The following PDE1C variants were observed in gnomAD, a reference collection of about 807,000 sequenced individuals.
PDE1C encodes the protein dual specificity calcium/calmodulin-dependent 3',5'-cyclic nucleotide phosphodiesterase 1C.
In PDE1C, 62 loss-of-function variants were observed where a neutral mutation model predicts 93.1. The observed-to-expected ratio is 0.67, with a 90% CI of 0.54 to 0.82. The LOEUF (loss-of-function observed/expected upper bound fraction) is 0.82, where lower values mean the gene tolerates loss of function less well. Among genes scored for constraint, PDE1C ranks in the 40% least tolerant of loss-of-function variants. The probability of loss-of-function intolerance (pLI) is 0.00; values close to 1 mark genes in which losing one functional copy is unlikely to be tolerated. For synonymous variants in PDE1C, 325 were observed against 310.1 expected, an observed-to-expected ratio of 1.05 and a Z score of -0.50; for missense variants, 742 against 884.6, an observed-to-expected ratio of 0.84 and a Z score of 2.04.
intron 3 of PDE1C, among the ~76,000 whole-genome samples, chr7:32,165,900 T>A (rs1360160162): frequency 6.6e-6 from 1 of 152,118 alleles, no homozygotes; most frequent in Non-Finnish European, 1.5e-5. Flanking sequence ...GAGAACAACA[T>A]CCTTGGGCCC....
intron 1 of PDE1C, among the ~76,000 whole-genome samples, chr7:32,340,935 G>T (rs117934886): frequency 0.065 from 9,862 of 152,120 alleles, 360 homozygotes; most frequent in Non-Finnish European, 0.082. Flanking sequence ...ATACATGTCA[G>T]TATACATTCA....
At chr7:32,071,450 C>G (rs1796051312), upstream of PDE1C, 1 of 983,784 alleles carries the variant, frequency 1.0e-6, no homozygotes, top group Non-Finnish European at 1.2e-6. Context: ...GGGGCTCTCT[C>G]GCTCGCGCTC....
intron 2 of PDE1C, among the ~76,000 whole-genome samples, chr7:32,046,222 AAAAG>A (rs1360340740): frequency 6.6e-6 from 1 of 152,044 alleles, no homozygotes; most frequent in African/African-American, 2.4e-5. Flanking sequence ...TTAAAAAAAA[AAAAG>A]AAAGCCTAAA....
At chr7:31,664,350 T>TTTTTTTTTTTTTTTTTTTTTTTGAG in the PDE1C span, among the ~76,000 whole-genome samples, 1 of 152,066 alleles carries the variant, frequency 6.6e-6, no homozygotes, top group African/African-American at 2.4e-5. Flanking sequence ...GGTGTTTGTT[T>TTTTTTTTTTTTTTTTTTTTTTTGAG]AAAGGAAGTG....
At chr7:31,740,423 A>G in the PDE1C span, among the ~76,000 whole-genome samples, 1 of 152,230 alleles carries the variant, frequency 6.6e-6, no homozygotes, top group African/African-American at 2.4e-5. Context: ...TAAGACTTTT[A>G]GTGCACTTTA....
At position 32,243,136 on chromosome 7, in the gene PDE1C, G is replaced by A. The variant is rs542227208; in HGVS notation, c.86-33597C>T. 5.3e-5 allele frequency among the ~76,000 whole-genome samples: 8 copies of A among 152,208 alleles called. No homozygotes were observed. The South Asian group carries it at 1.7e-3, about 32-fold the overall frequency. On this transcript the variant is annotated intron_variant, in intron 1 of 18. Coordinates refer to the PDE1C transcript ENST00000396193. ...ATGGTAAGTGGGAGAGAGTAAGGAG[G>A]GAGAGTGGGTCTTGCCTAGATCACA...
chr7:32,402,192 T>C (rs1352014615), intron 1 of PDE1C, among the ~76,000 whole-genome samples: 1 of 152,112 alleles, frequency 6.6e-6, no homozygotes, highest in Non-Finnish European at 1.5e-5. Flanking sequence ...CCATACTCAC[T>C]TGTATTAATC....
intron 1 of PDE1C, among the ~76,000 whole-genome samples, chr7:32,227,457 G>A (rs563367380): frequency 6.6e-6 from 1 of 152,280 alleles, no homozygotes; most frequent in African/African-American, 2.4e-5. Flanking sequence ...TAGACTGTCG[G>A]CCCTGTGAGC....
intron 12 of PDE1C, among the ~76,000 whole-genome samples, chr7:31,825,987 T>C (rs74428712): frequency 0.016 from 2,492 of 152,242 alleles, 26 homozygotes; most frequent in African/African-American, 0.028. Context: ...CCTAGAACTA[T>C]ACCTTTGTAT....
the PDE1C span, among the ~76,000 whole-genome samples, chr7:31,694,970 G>A: frequency 6.6e-6 from 1 of 152,150 alleles, no homozygotes; most frequent in African/African-American, 2.4e-5. Flanking sequence ...CCCAAGGTCT[G>A]GATCACCAGG....
chr7:32,016,192 C>T (rs535069495), intron 2 of PDE1C, among the ~76,000 whole-genome samples: 3 of 152,318 alleles, frequency 2.0e-5, no homozygotes, highest in African/African-American at 4.8e-5. Context: ...GGAGAAGTCA[C>T]GGAGCCATAA....
rs1809974226 is a variant in PDE1C at position 31,966,427 on chromosome 7, C to A, written c.128+85127G>T. 2.0e-5 allele frequency among the ~76,000 whole-genome samples: 3 copies of A among 152,174 alleles called. No homozygotes were observed. In the South Asian group the frequency reaches 6.2e-4, roughly 32 times the overall value. On this transcript the variant is annotated intron_variant, in intron 2 of 17. Transcript: ENST00000396191. ...GAACTAACTATCCTAAATATATATG[C>A]ACCCAACACAGGAGCACCCAGATTC...
At chr7:32,031,881 G>A (rs1269149134) in intron 2 of PDE1C, among the ~76,000 whole-genome samples, 3 of 152,140 alleles carry the variant, frequency 2.0e-5, no homozygotes, top group Admixed American at 6.5e-5. Flanking sequence ...GTTGTCAGAG[G>A]GGGCCACAGG....
chr7:31,705,516 C>T, the PDE1C span, among the ~76,000 whole-genome samples: 1 of 152,166 alleles, frequency 6.6e-6, no homozygotes, highest in African/African-American at 2.4e-5. Flanking sequence ...TAGTTTCAGC[C>T]AGACTCTTGA....
intron 2 of PDE1C, among the ~76,000 whole-genome samples, chr7:32,023,894 C>T (rs1164094476): frequency 1.3e-5 from 2 of 151,970 alleles, no homozygotes; most frequent in Non-Finnish European, 2.9e-5. Context: ...ATGATGTGTG[C>T]ACAACTGGGG....
chr7:32,075,718 TGAG>T (rs1233835107), upstream of PDE1C, among the ~76,000 whole-genome samples: 1 of 151,966 alleles, frequency 6.6e-6, no homozygotes, highest in African/African-American at 2.4e-5. Context: ...CCCAGAGAAG[TGAG>T]AAGACAAAGA....
At chr7:32,303,931 A>G (rs915697553), upstream of PDE1C, among the ~76,000 whole-genome samples, 7 of 152,218 alleles carry the variant, frequency 4.6e-5, no homozygotes, top group East Asian at 1.9e-4. Context: ...CTTGTTTTGC[A>G]TTAAGAGTTT....
At chr7:31,851,085 C>T (rs1260324178) in intron 7 of PDE1C, among the ~76,000 whole-genome samples, 291 of 22,868 alleles carry the variant, frequency 0.013, 1 homozygote, top group Middle Eastern at 0.043. Flanking sequence ...CACACACACA[C>T]ACACACACAC....
the PDE1C span, among the ~76,000 whole-genome samples, chr7:31,689,715 G>A: frequency 3.3e-5 from 5 of 152,042 alleles, no homozygotes; most frequent in African/African-American, 7.2e-5. Context: ...AACTCCAAAT[G>A]TCTTTCCCCT....
Sources: allele counts gnomAD v4.1 joint callset (sites outside exome capture counted in the v4.1 genomes callset), GRCh38; gene constraint gnomAD v4.1.1; transcripts MANE v1.5; gene names NCBI Gene and HGNC (gene_info 2026-07-23, HGNC 2026-07-21).